The following XKR6 variants were observed in gnomAD, a reference collection of about 807,000 sequenced individuals.
XKR6 encodes XK-related protein 6.
A neutral mutation model predicts 56.7 loss-of-function variants in XKR6; 22 were observed. That is an observed-to-expected ratio of 0.39 (90% CI 0.28 to 0.55). The LOEUF (loss-of-function observed/expected upper bound fraction) is 0.55, where lower values mean the gene tolerates loss of function less well. Ranked by LOEUF, XKR6 falls within the 20% of genes least tolerant of loss-of-function variation. XKR6 has a pLI of 0.66. For synonymous variants in XKR6, 524 were observed against 387.8 expected (o/e 1.35, Z -4.13); for missense variants, 852 against 889.0 (o/e 0.96, Z 0.53).
Position 10,966,615 on chromosome 8 carries a change from A to G in XKR6, c.765-41785T>C, listed in dbSNP as rs544800853. On this transcript the variant is annotated intron_variant, in intron 1 of 2. Transcript: ENST00000416569. ...CGTGAACCCAGGAGGCGGAGCTTGC[A>G]GTGAGCTGAGATCGCACCACTACAC... 3.3e-5 allele frequency among the ~76,000 whole-genome samples: 5 copies of G among 152,342 alleles called. No individual in the cohort carries two copies. In the East Asian group the frequency reaches 7.7e-4, roughly 23 times the overall value.
intron 1 of XKR6, among the ~76,000 whole-genome samples, chr8:10,964,981 G>T (rs1360145393): frequency 2.0e-5 from 3 of 152,194 alleles, no homozygotes; most frequent in Non-Finnish European, 4.4e-5. Flanking sequence ...CTCCACTAGG[G>T]ATCCAACCCT....
intron 1 of XKR6, among the ~76,000 whole-genome samples, chr8:10,991,774 T>G (rs2129140490): frequency 6.6e-6 from 1 of 152,334 alleles, no homozygotes; most frequent in Non-Finnish European, 1.5e-5. Flanking sequence ...GCCTCTCAAT[T>G]TTCTTGCCCC....
chr8:11,170,041 G>C (rs1291480225), intron 1 of XKR6, among the ~76,000 whole-genome samples: 1 of 152,154 alleles, frequency 6.6e-6, no homozygotes, highest in Non-Finnish European at 1.5e-5. Context: ...AGCTGGATCT[G>C]ACGTTAGATC....
intron 1 of XKR6, among the ~76,000 whole-genome samples, chr8:11,013,487 C>T (rs1403439090): frequency 4.6e-5 from 7 of 152,196 alleles, no homozygotes; most frequent in Admixed American, 2.6e-4. Flanking sequence ...CTGTCTGGGT[C>T]AGCCTGGCAG....
intron 1 of XKR6, among the ~76,000 whole-genome samples, chr8:11,093,047 T>G (rs911349579): frequency 6.6e-6 from 1 of 151,862 alleles, no homozygotes; most frequent in Admixed American, 6.6e-5. Context: ...TTTCTTTCTC[T>G]TTCTTTTTCT....
intron 1 of XKR6, among the ~76,000 whole-genome samples, chr8:11,119,818 C>T (rs1384826382): frequency 1.3e-5 from 2 of 152,158 alleles, no homozygotes; most frequent in African/African-American, 4.8e-5. Context: ...TCCAGCAGCA[C>T]ATCAAAAAGC....
At chr8:11,190,183 A>AAAAGAAAG (rs772557967) in intron 1 of XKR6, among the ~76,000 whole-genome samples, 2 of 130,648 alleles carry the variant, frequency 1.5e-5, no homozygotes, top group Non-Finnish European at 1.6e-5. Flanking sequence ...GAAAAGAAAG[A>AAAAGAAAG]AAAGAAAGAA....
At chr8:11,034,729 C>T (rs569362981) in intron 1 of XKR6, among the ~76,000 whole-genome samples, 107 of 152,198 alleles carry the variant, frequency 7.0e-4, no homozygotes, top group Non-Finnish European at 1.3e-3. Flanking sequence ...CCTGTCCATT[C>T]TCTTACCTCC....
chr8:10,990,919 T>TTTTTTC (rs869151206), intron 1 of XKR6, among the ~76,000 whole-genome samples: 8 of 143,596 alleles, frequency 5.6e-5, no homozygotes, highest in African/African-American at 1.9e-4. Flanking sequence ...TTTTTTTTTT[T>TTTTTTC]CGAGACAGAG....
At chr8:11,009,599 G>C (rs190618850) in intron 1 of XKR6, among the ~76,000 whole-genome samples, 305 of 152,260 alleles carry the variant, frequency 2.0e-3, no homozygotes, top group Non-Finnish European at 3.5e-3. Flanking sequence ...GTTCAAAACT[G>C]GTCCCAGATC....
intron 1 of XKR6, chr8:11,194,458 T>TTTCATAAA (rs2117143778): frequency 6.6e-6 from 1 of 152,372 alleles, no homozygotes; most frequent in South Asian, 2.1e-4. Context: ...GAGGTTATAT[T>TTTCATAAA]TTCATAAATT....
intron 1 of XKR6, chr8:11,108,289 G>A: frequency 2.2e-6 from 1 of 456,142 alleles, no homozygotes; most frequent in Non-Finnish European, 4.4e-6. Context: ...CCATTTTCCT[G>A]AAAATCTGCT....
intron 1 of XKR6, among the ~76,000 whole-genome samples, chr8:11,125,115 G>GAAAAGAAAA (rs377388741): frequency 6.8e-4 from 100 of 147,832 alleles, no homozygotes; most frequent in South Asian, 2.4e-3. Flanking sequence ...AAAAAGAAAA[G>GAAAAGAAAA]AAAAAAAAAG....
In XKR6 at chr8:11,200,156, G is replaced by A. The variant is rs1804126090; in HGVS notation, c.764+420C>T. Among the ~76,000 whole-genome samples the A allele has an allele frequency of 6.6e-6, 1 of 152,190 alleles. No homozygotes were observed. The highest frequency in any genetic ancestry group is 2.4e-5 in the African/African-American group (1 of 41,458). ...GGAGAACGGGGGAAGAGGGGAGGAT[G>A]TCTCACCTGGGAACAAACCCGAATG... On this transcript the variant is annotated intron_variant, in intron 1 of 2. Coordinates refer to ENST00000416569, the MANE Select transcript of XKR6 (RefSeq NM_173683.4). This position sits in a 1 kb window ranked among gnomAD's most constrained non-coding sequence, Gnocchi z 6.4.
At chr8:11,083,833 G>T (rs748634699) in intron 1 of XKR6, among the ~76,000 whole-genome samples, 1 of 152,084 alleles carries the variant, frequency 6.6e-6, no homozygotes, top group Non-Finnish European at 1.5e-5. Context: ...ACATGGAACT[G>T]TATGCCCACT....
Position 11,200,258 on chromosome 8 carries a change from G to C in XKR6, c.764+318C>G, listed in dbSNP as rs749867233. Among the ~76,000 whole-genome samples the C allele has an allele frequency of 8.2e-4, 125 of 152,322 alleles. No homozygotes were observed. Among genetic ancestry groups the C allele is most frequent in the Non-Finnish European group, 1.5e-3 (105 of 68,026 alleles). On this transcript the variant is annotated intron_variant, in intron 1 of 2. Transcript: ENST00000416569. This position sits in a 1 kb window ranked among gnomAD's most constrained non-coding sequence, Gnocchi z 6.4. ...CAGGGCGCCCGCAGCTGGTTACCTC[G>C]GGAGGCAGGGAAAAGGGACGCTTGG...
intron 1 of XKR6, among the ~76,000 whole-genome samples, chr8:11,182,900 C>A (rs1217316432): frequency 6.6e-6 from 1 of 152,160 alleles, no homozygotes; most frequent in African/African-American, 2.4e-5. Context: ...CCCTGGCAGC[C>A]CCCTTTCTAC....
intron 2 of XKR6, among the ~76,000 whole-genome samples, chr8:10,905,915 G>A (rs990877727): frequency 1.1e-4 from 17 of 152,110 alleles, no homozygotes; most frequent in Admixed American, 4.6e-4. Context: ...TCCCGTCCTC[G>A]CCTTCCCACA....
chr8:10,938,912 A>T (rs1244526662), intron 1 of XKR6, among the ~76,000 whole-genome samples: 1 of 152,236 alleles, frequency 6.6e-6, no homozygotes, highest in Non-Finnish European at 1.5e-5. Context: ...AAAGAAAAAG[A>T]ATACAAAATT....
Sources: allele counts gnomAD v4.1 joint callset (sites outside exome capture counted in the v4.1 genomes callset), GRCh38; gene constraint gnomAD v4.1.1; non-coding constraint Gnocchi (gnomAD v3.1); transcripts MANE v1.5; gene names NCBI Gene and HGNC (gene_info 2026-07-23, HGNC 2026-07-21).